Variants in LGR6 observed in about 807,000 individuals in gnomAD.
The protein encoded by LGR6 is leucine rich repeat containing G protein-coupled receptor 6.
A neutral mutation model predicts 69.4 loss-of-function variants in LGR6; 45 were observed. That is an observed-to-expected ratio of 0.65 (90% CI 0.51 to 0.83). The LOEUF (loss-of-function observed/expected upper bound fraction) is 0.83, where lower values mean the gene tolerates loss of function less well. LGR6 is among the 40% of genes least tolerant of loss of function. The pLI is 0.00. For missense variants in LGR6, 1,108 were observed against 1,246.7 expected (o/e 0.89, Z 1.68); for synonymous variants, 538 against 555.0 (o/e 0.97, Z 0.43).
chr1:202,304,674 AC>A (rs1667853463), intron 11 of LGR6, 44 bp downstream of exon 11: 3 of 1,495,766 alleles, frequency 2.0e-6, no homozygotes, highest in African/African-American at 1.4e-5. Flanking sequence ...TTGTGCCCCT[AC>A]CCCCATGTCC....
intron 6 of LGR6, among the ~76,000 whole-genome samples, chr1:202,283,721 C>T (rs772788442): frequency 3.9e-5 from 6 of 152,350 alleles, no homozygotes; most frequent in Admixed American, 1.3e-4. Flanking sequence ...ATCATGTGCA[C>T]GTGCAGCACA....
chr1:202,307,485 C>T lies in LGR6; in HGVS notation c.1280+84C>T. 3 of 1,151,108 alleles carry T rather than the reference C, an allele frequency of 2.6e-6. No homozygotes were observed. The South Asian group carries it at 3.7e-5, about 14-fold the overall frequency. The allele number at this position is 1,151,108 out of a possible 1,614,324, so 71.3% of individuals were successfully genotyped here. A position where few individuals can be genotyped will look rare whatever the true frequency, so the allele number is the denominator to read the frequency against. The stretch of plus-strand genomic sequence containing the variant: ...GCCAATGGAGGCAGAAGGGCCACCC[C>T]AGAGCAGGAACATGCATATCCCAGG... On this transcript the variant is annotated intron_variant, in intron 14 of 17. Transcript: ENST00000367278.
rs35555386 is a variant in LGR6 at position 202,223,100 on chromosome 1, GAA to G, written c.213-2315_213-2314del. Among the ~76,000 whole-genome samples the G allele has an allele frequency of 5.4e-4, 82 of 151,724 alleles. 1 individual carries two copies. The highest frequency in any genetic ancestry group is 1.0e-3 in the Non-Finnish European group (71 of 67,932). ...TGGGTGACAACAGTGAAACTCTGGG[GAA>G]AAAAAAATCCATCAACAAACTCTCT... On this transcript the variant is annotated intron_variant, in intron 1 of 17. Coordinates refer to ENST00000367278, the MANE Select transcript of LGR6 (RefSeq NM_001017403.2).
At chr1:202,263,591 C>A (rs1419482530) in intron 4 of LGR6, among the ~76,000 whole-genome samples, 1 of 151,988 alleles carries the variant, frequency 6.6e-6, no homozygotes, top group Non-Finnish European at 1.5e-5. Flanking sequence ...GGCTTCAGCA[C>A]GGGGGTGTGG....
chr1:202,308,453 C>T lies in LGR6; in HGVS notation c.1281-598C>T, dbSNP rs777285950. ...CACGACGCACAGTCTGTGGTCTTAG[C>T]GTTTGGTTTGGAACCCTGGGCTTCC... On this transcript the variant is annotated intron_variant, in intron 14 of 17. Transcript: ENST00000367278. 5.9e-5 allele frequency among the ~76,000 whole-genome samples: 9 copies of T among 152,114 alleles called. No homozygotes were observed. The South Asian group carries it at 8.3e-4, about 14-fold the overall frequency.
chr1:202,199,087 T>A (rs1481154989), intron 1 of LGR6, among the ~76,000 whole-genome samples: 2 of 151,958 alleles, frequency 1.3e-5, no homozygotes, highest in Non-Finnish European at 2.9e-5. Context: ...GAAGCCATGT[T>A]TTGGATGAAA....
In LGR6 at chr1:202,318,435, A is replaced by G; in HGVS notation, c.2132A>G (p.Tyr711Cys). Residue 711 changes from tyrosine to cysteine, a missense_variant, in exon 18 of 18, where the codon TAC becomes TGC. Tyr to Cys is a radical substitution (Grantham distance 194). Transcript: ENST00000367278. ...AALPLASVGE[Y>C]GASPLCLPYA... ...CTGCCCCTGGCCTCAGTGGGAGAATACGGGGCCTCCCCACTCTGCCTGCCC... is the reference window on the plus strand; with the variant it reads ...CTGCCCCTGGCCTCAGTGGGAGAATGCGGGGCCTCCCCACTCTGCCTGCCC... 1 of 1,611,778 alleles carries G rather than the reference A, an allele frequency of 6.2e-7. No homozygotes were observed. Among genetic ancestry groups the G allele is most frequent in the Non-Finnish European group, 8.5e-7 (1 of 1,179,178 alleles).
intron 4 of LGR6, among the ~76,000 whole-genome samples, chr1:202,253,582 C>T (rs1372916234): frequency 2.1e-5 from 3 of 145,686 alleles, no homozygotes; most frequent in South Asian, 2.3e-4. Context: ...GGACTACAGG[C>T]GTGAGCCACC....
intron 7 of LGR6, 92 bp downstream of exon 7, chr1:202,297,668 A>G: frequency 1.0e-6 from 1 of 960,830 alleles, no homozygotes. Flanking sequence ...TTACCTCCTC[A>G]CCTCCCATGG....
chr1:202,214,082 A>G (rs1016083572), intron 1 of LGR6: 3 of 1,376,068 alleles, frequency 2.2e-6, no homozygotes, highest in Non-Finnish European at 1.9e-6. Flanking sequence ...AAGCGGCAGA[A>G]CGAGAGAGGA....
At chr1:202,216,576 G>A (rs558852441) in intron 1 of LGR6, among the ~76,000 whole-genome samples, 2 of 152,324 alleles carry the variant, frequency 1.3e-5, no homozygotes, top group South Asian at 2.1e-4. Context: ...AGTCACAAGC[G>A]GCTAGTGGCC....
At chr1:202,266,421 G>A (rs1017959749) in intron 4 of LGR6, among the ~76,000 whole-genome samples, 10 of 152,064 alleles carry the variant, frequency 6.6e-5, no homozygotes, top group Admixed American at 4.6e-4. Context: ...AAGTCATAGC[G>A]CCCTGTGTAT....
At chr1:202,278,587 G>T (rs1042927761) in intron 5 of LGR6, among the ~76,000 whole-genome samples, 1 of 152,164 alleles carries the variant, frequency 6.6e-6, no homozygotes, top group Non-Finnish European at 1.5e-5. Flanking sequence ...GGATGGAGGA[G>T]AGAGGCTTCT....
Position 202,303,290 on chromosome 1 carries a change from G to A in LGR6, c.941G>A (p.Gly314Asp), listed in dbSNP as rs758843676. Residue 314 changes from glycine (G) to aspartate (D), a missense_variant, in exon 10 of 18, where the codon GGT becomes GAT. Physicochemically the swap from Gly to Asp is moderately conservative, Grantham distance 94. Transcript: ENST00000367278. ...GTCTCTATTTCCAGATCTCTGAATGGTGCCATGGACATCCAGGAGTTTCCA... is the reference window on the plus strand; with the variant it reads ...GTCTCTATTTCCAGATCTCTGAATGATGCCATGGACATCCAGGAGTTTCCA... ...LPKLHTLSLNGAMDIQEFPDL... is the reference protein window; with the variant it reads ...LPKLHTLSLNDAMDIQEFPDL... 6.2e-7 allele frequency: 1 copy of A among 1,613,802 alleles called. No homozygotes were observed. Among genetic ancestry groups the A allele is most frequent in the South Asian group, 1.1e-5 (1 of 91,080 alleles).
intron 1 of LGR6, among the ~76,000 whole-genome samples, chr1:202,209,464 G>T (rs1459513064): frequency 6.6e-6 from 1 of 152,204 alleles, no homozygotes; most frequent in Non-Finnish European, 1.5e-5. Flanking sequence ...GGTGCCCCTT[G>T]CCCCAGTGGC....
intron 1 of LGR6, among the ~76,000 whole-genome samples, chr1:202,204,329 A>AAC (rs1231849064): frequency 1.9e-5 from 2 of 107,124 alleles, no homozygotes; most frequent in East Asian, 2.8e-4. Context: ...ACCTCCTCCT[A>AAC]ACACACACAC....
intron 6 of LGR6, among the ~76,000 whole-genome samples, chr1:202,288,635 C>T (rs1452046407): frequency 6.6e-6 from 1 of 152,152 alleles, no homozygotes; most frequent in Non-Finnish European, 1.5e-5. Context: ...CTCTCCTCTG[C>T]GCCCTAGATG....
chr1:202,309,895 C>T lies in LGR6; in HGVS notation c.1407-302C>T, dbSNP rs796220515. Among the ~76,000 whole-genome samples, 16 of 152,318 alleles carry T rather than the reference C, an allele frequency of 1.1e-4. 2 individuals are homozygous for T. The Middle Eastern group carries it at 0.017, about 162-fold the overall frequency. On this transcript the variant is annotated intron_variant, in intron 15 of 17. Transcript: ENST00000367278. ...GTGTGAGCTTGGGGAAGCCTCTGCC[C>T]GCTCTGAGCCAGCAGAGAGGACTCC...
At chr1:202,204,641 A>C (rs1659015684) in intron 1 of LGR6, among the ~76,000 whole-genome samples, 1 of 10,606 alleles carries the variant, frequency 9.4e-5, no homozygotes, top group African/African-American at 2.8e-4. Flanking sequence ...ACACACCTCC[A>C]AACACACACA....
Sources: gnomAD v4.1 joint callset for allele counts (sites outside exome capture counted in the v4.1 genomes callset) on GRCh38, gnomAD v4.1.1 for gene constraint, MANE v1.5 for transcripts, NCBI Gene and HGNC (gene_info 2026-07-23, HGNC 2026-07-21) for gene names.